Variants in SPX observed in about 807,000 individuals in gnomAD.
SPX encodes spexin hormone, also known as spexin.
In SPX, 22 loss-of-function variants were observed where a neutral mutation model predicts 19.2. The observed-to-expected ratio is 1.15, with a 90% CI of 0.82 to 1.64. SPX has a LOEUF of 1.64. Ranked by LOEUF, SPX falls within the 40% of genes most tolerant of loss-of-function variation. The pLI is 0.00. For synonymous variants in SPX, 50 were observed against 53.3 expected (o/e 0.94, Z 0.27); for missense variants, 143 against 137.7 (o/e 1.04, Z -0.19).
rs566769752 is a variant in SPX at position 21,531,787 on chromosome 12, G to C, written c.*592G>C. Reference sequence around the variant, plus strand: ...GAGGAGACAGTCATTGAGGTAGAAGGTTTGCCAAAGATCCAGAGCTCAGAG... The same window carrying C: ...GAGGAGACAGTCATTGAGGTAGAAGCTTTGCCAAAGATCCAGAGCTCAGAG... On this transcript the variant is annotated 3_prime_UTR_variant, in exon 6 of 6. Coordinates refer to ENST00000256969, the MANE Select transcript of SPX (RefSeq NM_030572.4). 6.6e-6 allele frequency: 1 copy of C among 152,192 alleles called. No individual in the cohort carries two copies. The highest frequency in any genetic ancestry group is 1.9e-4 in the East Asian group (1 of 5,190). The allele number at this position is 152,192 out of a possible 1,614,324, so 9.4% of individuals were successfully genotyped here.
At position 21,532,022 on chromosome 12, in the gene SPX, A is replaced by G. The variant is rs1943870435; in HGVS notation, c.*827A>G. 6.6e-6 allele frequency: 1 copy of G among 152,180 alleles called. No homozygotes were observed. Among genetic ancestry groups the G allele is most frequent in the Admixed American group, 6.5e-5 (1 of 15,276 alleles). 9.4% of individuals were successfully genotyped at this position (152,180 alleles called of 1,614,324 possible). ...TGCTTACTCTAATTGACTAGACTCT[A>G]GGTTTTATTTGACATCATAGCATTA... is the stretch of plus-strand genomic sequence containing the variant. On this transcript the variant is annotated 3_prime_UTR_variant, in exon 6 of 6. Coordinates refer to ENST00000256969, the MANE Select transcript of SPX (RefSeq NM_030572.4).
At chr12:21,527,620 GC>G in intron 3 of SPX, 106 bp from the exon 4 acceptor site, 2 of 1,148,582 alleles carry the variant, frequency 1.7e-6, no homozygotes, top group South Asian at 2.7e-5. Flanking sequence ...GGAGCAACCT[GC>G]CCCCTCCCCA....
At chr12:21,526,527 C>T (rs1591767918) in intron 1 of SPX, 49 bp downstream of exon 1, 4 of 1,530,810 alleles carry the variant, frequency 2.6e-6, no homozygotes, top group South Asian at 1.2e-5. Flanking sequence ...TTTTTTAAAA[C>T]GTTTTATAGC....
In SPX at chr12:21,531,222, G is replaced by A; in HGVS notation, c.*27G>A. ...AATATACTGGATTATGTTTAATTAT[G>A]GTTCTATTCTCTTTGAAAACATGAA... On this transcript the variant is annotated 3_prime_UTR_variant, in exon 6 of 6. Coordinates refer to ENST00000256969, the MANE Select transcript of SPX (RefSeq NM_030572.4). 1 of 1,498,670 alleles carries A rather than the reference G, an allele frequency of 6.7e-7. No individual in the cohort carries two copies. Among genetic ancestry groups the A allele is most frequent in the Non-Finnish European group, 9.1e-7 (1 of 1,097,256 alleles). The allele number at this position is 1,498,670 out of a possible 1,614,324, so 92.8% of individuals were successfully genotyped here. A position where few individuals can be genotyped will look rare whatever the true frequency, so the allele number is the denominator to read the frequency against.
rs1427887025 is a variant in SPX, at chr12:21,532,272, G to A, written c.*1077G>A. 10 of 152,150 alleles carry A rather than the reference G, an allele frequency of 6.6e-5. No homozygotes were observed. The allele number at this position is 152,150 out of a possible 1,614,324, so 9.4% of individuals were successfully genotyped here. On this transcript the variant is annotated 3_prime_UTR_variant, in exon 6 of 6. Transcript: ENST00000256969. ...CTAATCAGAGTTGTTATTGACAAAT[G>A]TCATAAGTGGAAAGTATTAATTCTT... is the stretch of plus-strand genomic sequence containing the variant.
At chr12:21,527,856 T>G in intron 4 of SPX, 67 bp downstream of exon 4, 1 of 1,491,164 alleles carries the variant, frequency 6.7e-7, no homozygotes, top group Non-Finnish European at 9.1e-7. Flanking sequence ...GGGCAGGGCT[T>G]GCTCCGCGCT....
chr12:21,529,896 C>T (rs1943847773), intron 5 of SPX, among the ~76,000 whole-genome samples: 1 of 152,090 alleles, frequency 6.6e-6, no homozygotes, highest in Non-Finnish European at 1.5e-5. Flanking sequence ...ACGAAAAGAG[C>T]TCTGATGGAG....
intron 4 of SPX, 56 bp downstream of exon 4, chr12:21,527,845 C>T (rs922522572): frequency 3.9e-6 from 6 of 1,524,160 alleles, no homozygotes; most frequent in Non-Finnish European, 5.3e-6. Flanking sequence ...TAGGATGGGG[C>T]GGGCAGGGCT....
chr12:21,528,782 T>TC (rs1402008547), intron 4 of SPX, among the ~76,000 whole-genome samples: 3 of 152,346 alleles, frequency 2.0e-5, no homozygotes, highest in African/African-American at 7.2e-5. Flanking sequence ...AACATTCTCT[T>TC]CCATACCCTG....
At chr12:21,528,317 G>T (rs1943834411) in intron 4 of SPX, among the ~76,000 whole-genome samples, 1 of 152,142 alleles carries the variant, frequency 6.6e-6, no homozygotes, top group East Asian at 1.9e-4. Context: ...ACTATCAAAG[G>T]TTCAAAATCA....
At chr12:21,528,034 C>T (rs7302146) in intron 4 of SPX, 3 of 518,708 alleles carry the variant, frequency 5.8e-6, no homozygotes, top group African/African-American at 2.0e-5. Flanking sequence ...AAGGGCGGCC[C>T]AGGCTGGCGC....
At chr12:21,528,267 C>G (rs1943833960) in intron 4 of SPX, 2 of 153,188 alleles carry the variant, frequency 1.3e-5, no homozygotes, top group African/African-American at 2.4e-5. Flanking sequence ...AAGAACTTAC[C>G]TAGGAACTTC....
chr12:21,528,909 G>A, intron 4 of SPX, 92 bp from the exon 5 acceptor site: 2 of 1,153,150 alleles, frequency 1.7e-6, no homozygotes, highest in Non-Finnish European at 2.6e-6. Flanking sequence ...ATTTCATAGA[G>A]GTTTTTCTAG....
At chr12:21,527,932 G>A in intron 4 of SPX, 143 bp downstream of exon 4, 1 of 873,500 alleles carries the variant, frequency 1.1e-6, no homozygotes, top group Non-Finnish European at 1.7e-6. Context: ...GATACAGTCC[G>A]CCCGAGGGCA....
At chr12:21,528,001 T>C in intron 4 of SPX, 1 of 542,812 alleles carries the variant, frequency 1.8e-6, no homozygotes, top group Non-Finnish European at 3.3e-6. Context: ...AGCTCGCGCG[T>C]CCAGCCCCGC....
chr12:21,532,030 T>C lies in SPX; in HGVS notation c.*835T>C, dbSNP rs557050147. ...CTAATTGACTAGACTCTAGGTTTTATTTGACATCATAGCATTACATAAATC... is the reference window on the plus strand; with the variant it reads ...CTAATTGACTAGACTCTAGGTTTTACTTGACATCATAGCATTACATAAATC... On this transcript the variant is annotated 3_prime_UTR_variant, in exon 6 of 6. Transcript: ENST00000256969. The C allele has an allele frequency of 6.6e-6, 1 of 152,212 alleles. No homozygotes were observed. Among genetic ancestry groups the C allele is most frequent in the Non-Finnish European group, 1.5e-5 (1 of 68,026 alleles). The allele number at this position is 152,212 out of a possible 1,614,324, so 9.4% of individuals were successfully genotyped here.
intron 5 of SPX, among the ~76,000 whole-genome samples, 191 bp from the exon 6 acceptor site, chr12:21,530,946 A>T: frequency 6.6e-6 from 1 of 152,282 alleles, no homozygotes; most frequent in East Asian, 1.9e-4. Flanking sequence ...AATGTGTCCC[A>T]AGCTGAGAAA....
intron 4 of SPX, chr12:21,528,238 AC>A (rs1943833779): frequency 6.5e-6 from 1 of 154,228 alleles, no homozygotes; most frequent in African/African-American, 2.4e-5. Flanking sequence ...CTCCTCTTAA[AC>A]GCTGTTATTA....
intron 4 of SPX, chr12:21,528,266 C>T (rs1173723664): frequency 1.3e-5 from 2 of 153,274 alleles, no homozygotes; most frequent in Non-Finnish European, 2.9e-5. Flanking sequence ...TAAGAACTTA[C>T]CTAGGAACTT....
Sources: gnomAD v4.1 joint callset for allele counts (sites outside exome capture counted in the v4.1 genomes callset) on GRCh38, gnomAD v4.1.1 for gene constraint, MANE v1.5 for transcripts, NCBI Gene and HGNC (gene_info 2026-07-23, HGNC 2026-07-21) for gene names.